Variants in KRABD3 observed in about 807,000 individuals in gnomAD.
The protein encoded by KRABD3 is KRAB domain containing 3, also known as KRAB domain-containing protein 3.
chr7:149,722,553 G>A, the KRABD3 span: 15 of 1,396,020 alleles, frequency 1.1e-5, no homozygotes, highest in African/African-American at 3.0e-5. Context: ...CTCAGAGGCC[G>A]GTGAGAGGCG....
the KRABD3 span, chr7:149,734,041 G>A: frequency 9.4e-6 from 15 of 1,599,840 alleles, no homozygotes; most frequent in Middle Eastern, 2.0e-4. Context: ...GATGGGGGGC[G>A]CATTGATGGC....
chr7:149,720,018 G>C, the KRABD3 span: 1 of 1,547,840 alleles, frequency 6.5e-7, no homozygotes, highest in Non-Finnish European at 8.7e-7. Context: ...GGACAGCTGA[G>C]CTGCTCCCCC....
chr7:149,732,572 C>T, the KRABD3 span, among the ~76,000 whole-genome samples: 5 of 151,860 alleles, frequency 3.3e-5, no homozygotes, highest in African/African-American at 1.2e-4. The surrounding 1 kb of genome is among the most constrained non-coding windows in gnomAD (Gnocchi z 4.0). Context: ...AGGGTTGGGA[C>T]CAATTCCAAG....
chr7:149,728,146 G>T, the KRABD3 span, among the ~76,000 whole-genome samples: 1 of 152,272 alleles, frequency 6.6e-6, no homozygotes, highest in Non-Finnish European at 1.5e-5. Context: ...CTGTGTTGTT[G>T]CCCTGCTGTG....
At chr7:149,734,190 A>G in the KRABD3 span, 45 of 1,171,782 alleles carry the variant, frequency 3.8e-5, 1 homozygote, top group South Asian at 7.3e-4. Context: ...CTTTGTCCCA[A>G]CTGGGTAGAG....
At chr7:149,729,949 G>T in the KRABD3 span, 1 of 1,282,770 alleles carries the variant, frequency 7.8e-7, no homozygotes, top group Non-Finnish European at 9.8e-7. Context: ...TTCCAAAGCT[G>T]CTGGGGTCCT....
chr7:149,725,948 C>T, the KRABD3 span: 1 of 1,602,244 alleles, frequency 6.2e-7, no homozygotes, highest in Non-Finnish European at 8.5e-7. Context: ...ATGGCCCCAG[C>T]AGGCCCCTGG....
the KRABD3 span, chr7:149,723,997 G>A: frequency 8.0e-7 from 1 of 1,247,666 alleles, no homozygotes. Flanking sequence ...CCCCATATTG[G>A]CCTGTCGGGA....
chr7:149,723,789 G>A, the KRABD3 span: 7 of 1,614,032 alleles, frequency 4.3e-6, no homozygotes, highest in Non-Finnish European at 5.1e-6. Context: ...TACACTGTCT[G>A]AAGGAGCTCC....
the KRABD3 span, chr7:149,728,477 G>C: frequency 3.1e-6 from 5 of 1,600,560 alleles, no homozygotes; most frequent in East Asian, 1.1e-4. Context: ...AGTTTGCAGA[G>C]ATTGAGCTAC....
chr7:149,715,644 G>A, the KRABD3 span, among the ~76,000 whole-genome samples: 1 of 152,174 alleles, frequency 6.6e-6, no homozygotes, highest in African/African-American at 2.4e-5. Flanking sequence ...TCTTCTGGAT[G>A]GGCACCTGGA....
the KRABD3 span, chr7:149,719,981 G>A: frequency 6.5e-7 from 1 of 1,534,190 alleles, no homozygotes; most frequent in Non-Finnish European, 8.8e-7. This position sits in a 1 kb window ranked among gnomAD's most constrained non-coding sequence, Gnocchi z 5.6. Flanking sequence ...TCCATTCCCA[G>A]GGCCACAGTT....
chr7:149,717,659 A>C, the KRABD3 span, among the ~76,000 whole-genome samples: 1 of 152,202 alleles, frequency 6.6e-6, no homozygotes, highest in South Asian at 2.1e-4. Flanking sequence ...GGCCTCAGGC[A>C]GGCAGTCACG....
chr7:149,729,122 C>A, the KRABD3 span: 1 of 1,274,072 alleles, frequency 7.8e-7, no homozygotes, highest in Non-Finnish European at 1.0e-6. Flanking sequence ...TGTTCCCTGT[C>A]CCTTCTTCTG....
At chr7:149,728,668 C>A in the KRABD3 span, 37 of 1,613,248 alleles carry the variant, frequency 2.3e-5, no homozygotes, top group Non-Finnish European at 3.1e-5. Context: ...GGACAGCAGA[C>A]AAGGAAGGTA....
chr7:149,729,337 A>G, the KRABD3 span: 1 of 1,585,618 alleles, frequency 6.3e-7, no homozygotes, highest in South Asian at 1.2e-5. Flanking sequence ...CCCTGGGGCC[A>G]CCAGGCCAGG....
chr7:149,722,116 G>C, the KRABD3 span: 5 of 450,386 alleles, frequency 1.1e-5, no homozygotes, highest in South Asian at 4.2e-5. Context: ...TGTGTGCCCT[G>C]TGTGTGCCCT....
At chr7:149,723,279 T>C in the KRABD3 span, among the ~76,000 whole-genome samples, 1 of 152,210 alleles carries the variant, frequency 6.6e-6, no homozygotes, top group East Asian at 1.9e-4. Flanking sequence ...GCTTGGGCTC[T>C]GGACAGCATG....
At chr7:149,725,221 T>G in the KRABD3 span, 1 of 1,300,194 alleles carries the variant, frequency 7.7e-7, no homozygotes, top group South Asian at 1.5e-5. Flanking sequence ...TCGTCACCCC[T>G]GTAGAAAGCA....
Sources: gnomAD v4.1 joint callset for allele counts (sites outside exome capture counted in the v4.1 genomes callset) on GRCh38, gnomAD v4.1.1 for gene constraint, Gnocchi (gnomAD v3.1) non-coding constraint, MANE v1.5 for transcripts, NCBI Gene and HGNC (gene_info 2026-07-23, HGNC 2026-07-21) for gene names.